Variants in AP1S2 observed in about 807,000 individuals in gnomAD.
AP1S2 encodes the protein adaptor related protein complex 1 subunit sigma 2, also known as AP-1 complex subunit sigma-2.
AP1S2 carries 1 observed loss-of-function variant against 14.3 expected under a neutral mutation model. That is an observed-to-expected ratio of 0.07 (90% confidence interval 0.02 to 0.33). The LOEUF (loss-of-function observed/expected upper bound fraction) is 0.33. Ranked by LOEUF, AP1S2 falls within the 10% of genes least tolerant of loss-of-function variation. The pLI is 0.99. For synonymous variants in AP1S2, 30 were observed against 40.5 expected (o/e 0.74, Z 0.99); for missense variants, 30 against 117.7 (o/e 0.25, Z 3.45).
intron 4 of AP1S2, among the ~76,000 whole-genome samples, chrX:15,844,275 C>T (rs1247565321): frequency 1.8e-5 from 2 of 111,986 alleles, no homozygotes; most frequent in Non-Finnish European, 1.9e-5. Context: ...TATTTCACTC[C>T]CTTAAAACTG....
At chrX:15,844,976 C>T in intron 4 of AP1S2, 1 of 747,648 alleles carries the variant, frequency 1.3e-6, no homozygotes, top group Non-Finnish European at 1.6e-6. Flanking sequence ...ATGTCATAAT[C>T]TCATAGTCAA....
rs1933383644 is a variant in AP1S2, at chrX:15,830,067, A to G, written c.427-1867T>C. 4 of 741,320 alleles carry G rather than the reference A, an allele frequency of 5.4e-6. No homozygotes were observed. In the South Asian group the frequency reaches 2.1e-4, roughly 38 times the overall value. The allele number at this position is 741,320 out of a possible 1,213,427, so 61.1% of individuals were successfully genotyped here. ...ATTCACATGAGACGAAGTACATGCA[A>G]TACTTTTATTTTAGACATGCAAGGA... On this transcript the variant is annotated intron_variant, in intron 4 of 5. Transcript: ENST00000672987.
In AP1S2 at chrX:15,841,345, T is replaced by C. The variant is rs1933825728; in HGVS notation, c.426+4034A>G. 3.6e-5 allele frequency among the ~76,000 whole-genome samples: 4 copies of C among 111,629 alleles called. No individual in the cohort carries two copies. The Admixed American group carries it at 3.8e-4, about 11-fold the overall frequency. ...ACCTTTAAGCCAACAGATAAGTACA[T>C]GATAAGTTCAAAGTCATCTTTGGTG... On this transcript the variant is annotated intron_variant, in intron 4 of 5. Coordinates refer to ENST00000672987, the MANE Select transcript of AP1S2 (RefSeq NM_001272071.2).
At chrX:15,854,116 G>C (rs1247846276) in intron 1 of AP1S2, among the ~76,000 whole-genome samples, 2 of 112,668 alleles carry the variant, frequency 1.8e-5, no homozygotes, top group Non-Finnish European at 3.8e-5. Context: ...CAAAGCACGA[G>C]TATTCCTTCC....
intron 4 of AP1S2, chrX:15,830,343 G>T (rs1401347444): frequency 1.3e-6 from 1 of 752,121 alleles, no homozygotes; most frequent in South Asian, 6.8e-5. Flanking sequence ...TTTCCCACCT[G>T]ATTGATAGCA....
chrX:15,854,581 C>A (rs1934280310), intron 1 of AP1S2, 107 bp downstream of exon 1: 4 of 263,612 alleles, frequency 1.5e-5, no homozygotes, highest in South Asian at 3.6e-4. Context: ...GCCGGGCAGG[C>A]TCGGGGTGGG....
rs768890458 is a variant in AP1S2, at chrX:15,833,551, A to G, written c.427-5351T>C. On this transcript the variant is annotated intron_variant, in intron 4 of 5. Coordinates refer to ENST00000672987, the MANE Select transcript of AP1S2 (RefSeq NM_001272071.2). The stretch of plus-strand genomic sequence containing the variant: ...TAAAATGCACAAAAATAAATGTATT[A>G]TTTTTACCATTTTAAATTGCTTTAA... 77 of 774,384 alleles carry G rather than the reference A, an allele frequency of 9.9e-5. No homozygotes were observed. The African/African-American group carries it at 1.7e-3, about 18-fold the overall frequency. The allele number at this position is 774,384 out of a possible 1,213,427, so 63.8% of individuals were successfully genotyped here.
intron 2 of AP1S2, among the ~76,000 whole-genome samples, chrX:15,850,226 A>G (rs1033585547): frequency 7.2e-5 from 8 of 111,608 alleles, no homozygotes; most frequent in Non-Finnish European, 1.3e-4. Flanking sequence ...TCTCTTAATG[A>G]AAGTCACATA....
intron 4 of AP1S2, chrX:15,830,085 T>C (rs1601839985): frequency 3.7e-5 from 28 of 749,598 alleles, no homozygotes; most frequent in South Asian, 6.8e-5. Context: ...ATTTTAGACA[T>C]GCAAGGAAAG....
chrX:15,828,113 A>G (rs1933318508), intron 5 of AP1S2, 79 bp downstream of exon 5: 2 of 824,550 alleles, frequency 2.4e-6, no homozygotes, highest in Admixed American at 7.1e-5. Context: ...ACTAGCAACG[A>G]ATTTTGTAAT....
intron 3 of AP1S2, 119 bp downstream of exon 3, chrX:15,845,784 G>A: frequency 1.5e-6 from 1 of 688,384 alleles, no homozygotes; most frequent in Non-Finnish European, 2.3e-6. Context: ...CTAATAAATA[G>A]TCATTCCCAC....
chrX:15,835,740 T>C (rs1470109459), intron 4 of AP1S2, among the ~76,000 whole-genome samples: 1 of 111,372 alleles, frequency 9.0e-6, no homozygotes, highest in Non-Finnish European at 1.9e-5. Flanking sequence ...AGTTTTACCA[T>C]CTGGAGCAAC....
Position 15,854,765 on chromosome X carries a change from G to T in AP1S2, c.-78C>A. 1.2e-6 allele frequency: 1 copy of T among 819,258 alleles called. No homozygotes were observed. Among genetic ancestry groups the T allele is most frequent in the South Asian group, 3.8e-5 (1 of 26,148 alleles). 67.5% of individuals were successfully genotyped at this position (819,258 alleles called of 1,213,427 possible). A position where few individuals can be genotyped will look rare whatever the true frequency, so the allele number is the denominator to read the frequency against. On this transcript the variant is annotated 5_prime_UTR_variant, in exon 1 of 6. Coordinates refer to ENST00000672987, the MANE Select transcript of AP1S2 (RefSeq NM_001272071.2). Reference sequence around the variant, plus strand: ...GCGAAGGGGAAGCCCCTGTCGCCGTGCTGAGGAAGAGAAGCCGTGGTGCTG... The same window carrying T: ...GCGAAGGGGAAGCCCCTGTCGCCGTTCTGAGGAAGAGAAGCCGTGGTGCTG...
intron 2 of AP1S2, among the ~76,000 whole-genome samples, chrX:15,850,922 T>C (rs1342275244): frequency 9.0e-6 from 1 of 111,412 alleles, no homozygotes; most frequent in Non-Finnish European, 1.9e-5. Flanking sequence ...ACAAGTCACT[T>C]CTCCCAAATT....
chrX:15,845,082 C>A, intron 4 of AP1S2: 1 of 753,914 alleles, frequency 1.3e-6, no homozygotes, highest in African/African-American at 2.3e-5. Context: ...TTCAGCCAAT[C>A]TTTTCCCTTC....
At chrX:15,833,042 A>G in intron 4 of AP1S2, 1 of 1,091,558 alleles carries the variant, frequency 9.2e-7, no homozygotes, top group South Asian at 2.6e-5. Context: ...AAGTCTGTCA[A>G]ATAACCTTTT....
In AP1S2 at chrX:15,826,199, T is replaced by G. The variant is rs1933253330; in HGVS notation, c.*1126A>C. The G allele has an allele frequency of 8.9e-6, 1 of 112,542 alleles. No individual in the cohort carries two copies. The highest frequency in any genetic ancestry group is 3.2e-5 in the African/African-American group (1 of 31,039). 9.3% of individuals were successfully genotyped at this position (112,542 alleles called of 1,213,427 possible). A position where few individuals can be genotyped will look rare whatever the true frequency, so the allele number is the denominator to read the frequency against. ...CATATATAAGTGAAAATATAAACCA[T>G]GAAGACATGTTTAGATATGTATAAG... On this transcript the variant is annotated 3_prime_UTR_variant, in exon 6 of 6. Transcript: ENST00000672987.
chrX:15,827,216 G>GT lies in AP1S2; in HGVS notation c.*108dup. On this transcript the variant is annotated 3_prime_UTR_variant, in exon 6 of 6. Coordinates refer to ENST00000672987, the MANE Select transcript of AP1S2 (RefSeq NM_001272071.2). ...ATGAATGAAGCGGCTTAGCAAAACA[G>GT]TAATACTGACAAGACATCATCTTAC... is the stretch of plus-strand genomic sequence containing the variant. 1 of 804,773 alleles carries GT rather than the reference G, an allele frequency of 1.2e-6. No individual in the cohort carries two copies. Among genetic ancestry groups the GT allele is most frequent in the Non-Finnish European group, 1.9e-6 (1 of 525,807 alleles). 66.3% of individuals were successfully genotyped at this position (804,773 alleles called of 1,213,427 possible). A position where few individuals can be genotyped will look rare whatever the true frequency, so the allele number is the denominator to read the frequency against.
In AP1S2 at chrX:15,852,280, T is replaced by G. The variant is rs1360606114; in HGVS notation, c.179+66A>C. The G allele has an allele frequency of 5.0e-6, 5 of 996,085 alleles. No individual in the cohort carries two copies. In the East Asian group the frequency reaches 1.6e-4, roughly 31 times the overall value. 82.1% of individuals were successfully genotyped at this position (996,085 alleles called of 1,213,427 possible). A position where few individuals can be genotyped will look rare whatever the true frequency, so the allele number is the denominator to read the frequency against. On this transcript the variant is annotated intron_variant, in intron 2 of 5. Coordinates refer to ENST00000672987, the MANE Select transcript of AP1S2 (RefSeq NM_001272071.2). ...TTATTTATAAATGTCATCACTGAAGTCTGCAATTTCCTAAATGACCTAACA... is the reference window on the plus strand; with the variant it reads ...TTATTTATAAATGTCATCACTGAAGGCTGCAATTTCCTAAATGACCTAACA...
Sources: gnomAD v4.1 joint callset for allele counts (sites outside exome capture counted in the v4.1 genomes callset) on GRCh38, gnomAD v4.1.1 for gene constraint, MANE v1.5 for transcripts, NCBI Gene and HGNC (gene_info 2026-07-23, HGNC 2026-07-21) for gene names.